The following RBFOX2 variants were observed in gnomAD, a reference collection of about 807,000 sequenced individuals.
RBFOX2 encodes the protein RNA binding protein fox-1 homolog 2.
In RBFOX2, 10 loss-of-function variants were observed where a neutral mutation model predicts 49.1. The observed-to-expected ratio is 0.20, with a 90% CI of 0.13 to 0.35. The LOEUF (loss-of-function observed/expected upper bound fraction) is 0.35, where lower values mean the gene tolerates loss of function less well. Among genes scored for constraint, RBFOX2 ranks in the 10% least tolerant of loss-of-function variants. The probability of loss-of-function intolerance (pLI) is 1.00; values close to 1 mark genes in which losing one functional copy is unlikely to be tolerated. For missense variants in RBFOX2, 323 were observed against 486.9 expected (o/e 0.66, Z 3.17); for synonymous variants, 183 against 187.4 (o/e 0.98, Z 0.19).
rs544391370 is a variant in RBFOX2, at chr22:36,007,997, C to G, written c.186+20243G>C. Among the ~76,000 whole-genome samples, 9 of 152,028 alleles carry G rather than the reference C, an allele frequency of 5.9e-5. 1 individual carries two copies. The highest frequency in any genetic ancestry group is 2.2e-4 in the African/African-American group (9 of 41,452). On this transcript the variant is annotated intron_variant, in intron 1 of 13. Coordinates refer to the RBFOX2 transcript ENST00000438146. ...TTCAAATAATGCTATAATGTATATT[C>G]TTATACGCAGATGCAAGAGCATCTG...
At chr22:35,863,349 T>C (rs2043310817) in intron 1 of RBFOX2, among the ~76,000 whole-genome samples, 1 of 152,170 alleles carries the variant, frequency 6.6e-6, no homozygotes, top group Admixed American at 6.6e-5. Context: ...TGAAGTGATT[T>C]TTATGCCAAA....
At position 35,744,252 on chromosome 22, in the gene RBFOX2, G is replaced by A; in HGVS notation, c.1050-3C>T. 2.5e-6 allele frequency: 4 copies of A among 1,610,426 alleles called. No individual in the cohort carries two copies. In the African/African-American group the frequency reaches 4.0e-5, roughly 16 times the overall value. On this transcript the variant is annotated splice_polypyrimidine_tract_variant and splice_region_variant and intron_variant, in intron 11 of 11. Coordinates refer to ENST00000405409, the Ensembl canonical transcript of RBFOX2. ...TAGCCACCTCGGTATAAACTCGCCT[G>A]CAGTAATTAAAGAGATAAAAATAAT...
chr22:35,792,539 T>A (rs1279887740), intron 2 of RBFOX2, among the ~76,000 whole-genome samples: 1 of 152,168 alleles, frequency 6.6e-6, no homozygotes, highest in Non-Finnish European at 1.5e-5. Context: ...TTCAACGAAT[T>A]GAAATGGAAA....
rs534559743 is a variant in RBFOX2 at position 35,897,135 on chromosome 22, C to G, written c.-34+41712G>C. On this transcript the variant is annotated intron_variant, in intron 1 of 13. Coordinates refer to the RBFOX2 transcript ENST00000359369. ...CTCATTCTTTTTTTTTCTTTTTAAC[C>G]TCAAATGTTTTAATGGTGGGATCTT... The G allele has an allele frequency of 1.6e-5, 8 of 503,394 alleles. No homozygotes were observed. The Admixed American group carries it at 2.1e-4, about 13-fold the overall frequency. 31.2% of individuals were successfully genotyped at this position (503,394 alleles called of 1,614,324 possible).
At chr22:35,897,793 A>T in intron 1 of RBFOX2, 3 of 754,710 alleles carry the variant, frequency 4.0e-6, no homozygotes, top group South Asian at 2.7e-5. Context: ...AAAGATGTCC[A>T]ACAGCTTTAC....
intron 1 of RBFOX2, among the ~76,000 whole-genome samples, chr22:35,976,770 C>T (rs1410264485): frequency 6.6e-6 from 1 of 152,100 alleles, no homozygotes. Flanking sequence ...CAAGGCCAGC[C>T]TGGCCAACAT....
chr22:35,946,115 AGTG>A (rs1183020128), intron 1 of RBFOX2, among the ~76,000 whole-genome samples: 4 of 152,134 alleles, frequency 2.6e-5, no homozygotes, highest in African/African-American at 9.7e-5. Context: ...TTTCTTCAAT[AGTG>A]GTCGCAGGTG....
intron 1 of RBFOX2, among the ~76,000 whole-genome samples, chr22:35,904,573 A>C (rs2048923832): frequency 1.3e-5 from 2 of 152,218 alleles, no homozygotes; most frequent in African/African-American, 4.8e-5. Context: ...TGCTGGTAAC[A>C]ATGGCTTTAA....
intron 6 of RBFOX2, among the ~76,000 whole-genome samples, chr22:35,765,210 T>A (rs1940536753): frequency 1.3e-5 from 2 of 151,052 alleles, no homozygotes; most frequent in South Asian, 4.2e-4. Flanking sequence ...AGATGAACAT[T>A]ACTTAGAACA....
In RBFOX2 at chr22:35,822,892, C is replaced by G. The variant is rs553860377; in HGVS notation, c.28-12888G>C. The stretch of plus-strand genomic sequence containing the variant: ...CAGGCTGGAGTGCAGTGGCACAATC[C>G]TAGCTCACTGCAACTTCCACCTCCG... On this transcript the variant is annotated intron_variant, in intron 1 of 11. Coordinates refer to ENST00000405409, the Ensembl canonical transcript of RBFOX2. The G allele has an allele frequency of 9.6e-5, 37 of 386,290 alleles. 1 individual carries two copies. Among genetic ancestry groups the G allele is most frequent in the Middle Eastern group, 9.0e-4 (2 of 2,226 alleles). The allele number at this position is 386,290 out of a possible 1,614,324, so 23.9% of individuals were successfully genotyped here.
chr22:35,799,003 A>C (rs941286399), intron 2 of RBFOX2, among the ~76,000 whole-genome samples: 4 of 152,164 alleles, frequency 2.6e-5, no homozygotes, highest in African/African-American at 2.4e-5. Context: ...AACACCTTAG[A>C]CCACCTATAC....
At chr22:35,815,895 C>T (rs1185351604) in intron 1 of RBFOX2, among the ~76,000 whole-genome samples, 2 of 152,036 alleles carry the variant, frequency 1.3e-5, no homozygotes, top group African/African-American at 2.4e-5. Flanking sequence ...ACTCTATTTG[C>T]CTTTGTTTAA....
At chr22:35,798,841 T>C (rs2147805750) in intron 2 of RBFOX2, among the ~76,000 whole-genome samples, 1 of 152,278 alleles carries the variant, frequency 6.6e-6, no homozygotes, top group South Asian at 2.1e-4. Context: ...AGTGAAAGAC[T>C]CAATAACATG....
At chr22:35,783,971 A>C (rs1285930436) in intron 2 of RBFOX2, among the ~76,000 whole-genome samples, 1 of 152,174 alleles carries the variant, frequency 6.6e-6, no homozygotes, top group Non-Finnish European at 1.5e-5. Context: ...ACTACAATGC[A>C]TGGTCCTCTG....
intron 1 of RBFOX2, among the ~76,000 whole-genome samples, chr22:35,817,678 T>C (rs553820151): frequency 2.0e-5 from 3 of 152,184 alleles, no homozygotes; most frequent in African/African-American, 7.2e-5. Flanking sequence ...GGATCCTTCT[T>C]TTAGCGTGGG....
At chr22:35,862,993 C>T (rs1424480301) in intron 1 of RBFOX2, among the ~76,000 whole-genome samples, 2 of 151,964 alleles carry the variant, frequency 1.3e-5, no homozygotes, top group African/African-American at 4.8e-5. Context: ...ATCTGAATTA[C>T]GAAGCTAAAT....
chr22:35,963,129 C>T (rs997741483), upstream of RBFOX2, among the ~76,000 whole-genome samples: 4 of 144,252 alleles, frequency 2.8e-5, no homozygotes, highest in Non-Finnish European at 6.0e-5. Flanking sequence ...CAGTCATCTA[C>T]CCCACAGAAA....
intron 2 of RBFOX2, 23 bp from the exon 4 acceptor site, chr22:35,781,769 A>G: frequency 6.2e-7 from 1 of 1,613,694 alleles, no homozygotes; most frequent in Non-Finnish European, 8.5e-7. Context: ...ATAAAGAATG[A>G]AAAATATACA....
At chr22:36,010,012 G>A (rs2058754596) in intron 1 of RBFOX2, among the ~76,000 whole-genome samples, 1 of 151,950 alleles carries the variant, frequency 6.6e-6, no homozygotes, top group African/African-American at 2.4e-5. Flanking sequence ...CTCTTCTAAG[G>A]TAAAATCTAC....
Sources: gnomAD v4.1 joint callset for allele counts (sites outside exome capture counted in the v4.1 genomes callset) on GRCh38, gnomAD v4.1.1 for gene constraint, MANE v1.5 for transcripts, NCBI Gene and HGNC (gene_info 2026-07-23, HGNC 2026-07-21) for gene names.